Variants in POU6F2 observed in about 807,000 individuals in gnomAD.
POU6F2 encodes the protein POU class 6 homeobox 2, also known as POU domain, class 6, transcription factor 2.
In POU6F2, 31 loss-of-function variants were observed where a neutral mutation model predicts 71.3. The observed-to-expected ratio is 0.43, with a 90% CI of 0.33 to 0.59. The LOEUF (loss-of-function observed/expected upper bound fraction) is 0.59. Among genes scored for constraint, POU6F2 ranks in the 20% least tolerant of loss-of-function variants. POU6F2 has a pLI of 0.04. For missense variants in POU6F2, 783 were observed against 856.8 expected, an observed-to-expected ratio of 0.91 and a Z score of 1.07; for synonymous variants, 347 against 355.7, an observed-to-expected ratio of 0.98 and a Z score of 0.27.
chr7:39,050,106 A>G (rs1204970524), intron 1 of POU6F2, among the ~76,000 whole-genome samples: 1 of 151,922 alleles, frequency 6.6e-6, no homozygotes, highest in Non-Finnish European at 1.5e-5. Flanking sequence ...TTGTTTAGTA[A>G]CTTGTTTGGA....
chr7:39,240,643 C>A (rs776383088), intron 4 of POU6F2, among the ~76,000 whole-genome samples: 3 of 152,024 alleles, frequency 2.0e-5, no homozygotes, highest in Non-Finnish European at 4.4e-5. Flanking sequence ...ACTCTGGCAT[C>A]CCCAGTATCT....
intron 2 of POU6F2, among the ~76,000 whole-genome samples, chr7:39,112,192 G>A (rs936904884): frequency 2.0e-5 from 3 of 152,102 alleles, no homozygotes; most frequent in Admixed American, 1.3e-4. Context: ...CTGCACAGTT[G>A]AAAACTGGCT....
At chr7:39,169,417 G>C (rs1036053227) in intron 2 of POU6F2, among the ~76,000 whole-genome samples, 2 of 152,166 alleles carry the variant, frequency 1.3e-5, no homozygotes, top group African/African-American at 4.8e-5. Flanking sequence ...CGCCCATAAA[G>C]TGTCTGGGCC....
At chr7:39,026,555 A>G (rs866060923) in intron 1 of POU6F2, among the ~76,000 whole-genome samples, 1 of 152,052 alleles carries the variant, frequency 6.6e-6, no homozygotes, top group Non-Finnish European at 1.5e-5. Context: ...AACAATGAGA[A>G]CACATGGACA....
At chr7:39,036,303 C>T (rs1419533224) in intron 1 of POU6F2, among the ~76,000 whole-genome samples, 1 of 152,106 alleles carries the variant, frequency 6.6e-6, no homozygotes, top group Non-Finnish European at 1.5e-5. Context: ...TAACAGTCCC[C>T]AAACAACTCA....
At chr7:39,078,212 C>G (rs1791036965) in intron 1 of POU6F2, among the ~76,000 whole-genome samples, 1 of 152,174 alleles carries the variant, frequency 6.6e-6, no homozygotes. Flanking sequence ...TGTCTGAAAG[C>G]TTAATGAAGT....
intron 5 of POU6F2, among the ~76,000 whole-genome samples, chr7:39,358,539 C>T (rs1276170985): frequency 6.6e-6 from 1 of 152,138 alleles, no homozygotes; most frequent in African/African-American, 2.4e-5. Context: ...TGGATGCAGC[C>T]AGTGATTCTG....
Position 39,433,296 on chromosome 7 carries a change from G to C in POU6F2, c.1320+13G>C, listed in dbSNP as rs1358765232. 1 of 1,613,776 alleles carries C rather than the reference G, an allele frequency of 6.2e-7. No homozygotes were observed. Reference sequence around the variant, plus strand: ...GCCCGGCCAGCAGGTAAATGTTCCAGGCCAAGGCAGCCATGGCACAGGACA... The same window carrying C: ...GCCCGGCCAGCAGGTAAATGTTCCACGCCAAGGCAGCCATGGCACAGGACA... On this transcript the variant is annotated intron_variant, in intron 7 of 9. Transcript: ENST00000518318.
chr7:39,035,166 A>AT (rs1790029981), intron 1 of POU6F2, among the ~76,000 whole-genome samples: 1 of 151,872 alleles, frequency 6.6e-6, no homozygotes, highest in African/African-American at 2.4e-5. Flanking sequence ...TGAATGTAAG[A>AT]TTTTTTATTA....
Position 39,339,688 on chromosome 7 carries a change from CCAGCAGCAG to C in POU6F2, c.668_676del (p.Gln223_Gln225del), listed in dbSNP as rs751710078. 5.1e-5 allele frequency: 81 copies of C among 1,597,878 alleles called. No homozygotes were observed. The highest frequency in any genetic ancestry group is 2.0e-4 in the South Asian group (18 of 89,910). ...AGCTCCAGCAGCTCCAGCTCCAGCT[CCAGCAGCAG>C]CAGCAGCAGCAGCAGCAGCAGCCTC... is the stretch of plus-strand genomic sequence containing the variant. On this transcript the variant is annotated inframe_deletion, in exon 5 of 10. Coordinates refer to ENST00000518318, the MANE Select transcript of POU6F2 (RefSeq NM_001370959.1).
At chr7:39,320,099 A>C (rs1028714173) in intron 4 of POU6F2, among the ~76,000 whole-genome samples, 1 of 152,168 alleles carries the variant, frequency 6.6e-6, no homozygotes, top group Admixed American at 6.5e-5. Flanking sequence ...CTCAGAATGA[A>C]CCTCCATGGG....
intron 2 of POU6F2, among the ~76,000 whole-genome samples, chr7:39,126,856 G>A (rs554922335): frequency 3.9e-5 from 6 of 152,184 alleles, no homozygotes; most frequent in Non-Finnish European, 7.4e-5. Context: ...AATGTAAGTA[G>A]AATAATTTAT....
intron 5 of POU6F2, among the ~76,000 whole-genome samples, chr7:39,361,289 T>A (rs1786383370): frequency 1.3e-5 from 2 of 152,210 alleles, no homozygotes; most frequent in African/African-American, 4.8e-5. Flanking sequence ...AACTCAGGTA[T>A]TGTACTCAGC....
At chr7:39,183,884 T>G (rs1039657013) in intron 2 of POU6F2, among the ~76,000 whole-genome samples, 1 of 152,140 alleles carries the variant, frequency 6.6e-6, no homozygotes, top group East Asian at 1.9e-4. Flanking sequence ...CAAAACACAC[T>G]ATGCAAATCT....
At chr7:39,199,802 TTAA>T (rs1236255750) in intron 2 of POU6F2, among the ~76,000 whole-genome samples, 2 of 152,170 alleles carry the variant, frequency 1.3e-5, no homozygotes, top group Non-Finnish European at 2.9e-5. Context: ...CTTATAACAA[TTAA>T]TAATAAGTTG....
At chr7:39,048,656 A>G (rs921204890) in intron 1 of POU6F2, among the ~76,000 whole-genome samples, 8 of 151,964 alleles carry the variant, frequency 5.3e-5, no homozygotes, top group Admixed American at 1.3e-4. Context: ...ATACATGTGC[A>G]TGTCTTTTTG....
intron 5 of POU6F2, among the ~76,000 whole-genome samples, chr7:39,361,971 AC>A (rs1178434699): frequency 6.6e-6 from 1 of 152,228 alleles, no homozygotes; most frequent in Non-Finnish European, 1.5e-5. Context: ...CGGCCAGCAG[AC>A]AGGGCACCCA....
At chr7:39,031,287 A>T (rs1160148929) in intron 1 of POU6F2, among the ~76,000 whole-genome samples, 2 of 152,158 alleles carry the variant, frequency 1.3e-5, no homozygotes, top group African/African-American at 4.8e-5. Context: ...TTAGCTCATT[A>T]ATATACTGTT....
At chr7:39,253,511 C>T (rs1219126713) in intron 4 of POU6F2, among the ~76,000 whole-genome samples, 14 of 152,272 alleles carry the variant, frequency 9.2e-5, no homozygotes, top group Middle Eastern at 3.4e-3. Context: ...GGGCAGTGTG[C>T]GGCTTTAATA....
Sources: gnomAD v4.1 joint callset for allele counts (sites outside exome capture counted in the v4.1 genomes callset) on GRCh38, gnomAD v4.1.1 for gene constraint, MANE v1.5 for transcripts, NCBI Gene and HGNC (gene_info 2026-07-23, HGNC 2026-07-21) for gene names.